The following ESRRG variants were observed in gnomAD, a reference collection of about 807,000 sequenced individuals.
The protein encoded by ESRRG is estrogen related receptor gamma.
Under a neutral mutation model 44.0 loss-of-function variants are expected in ESRRG, and 13 were observed. That is an observed-to-expected ratio of 0.30 (90% CI 0.19 to 0.47). ESRRG has a LOEUF of 0.47. ESRRG is among the 20% of genes least tolerant of loss of function. The pLI is 1.00. For synonymous variants in ESRRG, 215 were observed against 214.6 expected, an observed-to-expected ratio of 1.00 and a Z score of -0.02; for missense variants, 395 against 580.6, an observed-to-expected ratio of 0.68 and a Z score of 3.29.
In ESRRG at chr1:216,637,803, C is replaced by T. The variant is rs1239430679; in HGVS notation, c.589+13170G>A. 5.3e-5 allele frequency among the ~76,000 whole-genome samples: 8 copies of T among 151,282 alleles called. No homozygotes were observed. In the East Asian group the frequency reaches 1.5e-3, roughly 29 times the overall value. ...TTTTTTTTCTCCTTTTTTTGGATAC[C>T]AATTGCTATATTGTCAGTGTAGTCA... On this transcript the variant is annotated intron_variant, in intron 3 of 6. Transcript: ENST00000408911.
chr1:216,967,720 G>T (rs1200159572), intron 1 of ESRRG, among the ~76,000 whole-genome samples: 1 of 152,134 alleles, frequency 6.6e-6, no homozygotes, highest in Non-Finnish European at 1.5e-5. Context: ...TTTTTGTGTG[G>T]CACAAGTTTT....
chr1:216,928,410 A>G (rs1420140463), intron 2 of ESRRG, among the ~76,000 whole-genome samples: 1 of 151,970 alleles, frequency 6.6e-6, no homozygotes, highest in Non-Finnish European at 1.5e-5. Flanking sequence ...TCTCAACCCC[A>G]CTTCTCAATA....
At chr1:216,564,969 C>T (rs1198605554) in intron 4 of ESRRG, among the ~76,000 whole-genome samples, 1 of 151,852 alleles carries the variant, frequency 6.6e-6, no homozygotes, top group Non-Finnish European at 1.5e-5. Context: ...TTTTTTTCTC[C>T]CCCTCCCCAC....
At chr1:216,967,724 A>C (rs1560297130) in intron 1 of ESRRG, among the ~76,000 whole-genome samples, 1 of 152,308 alleles carries the variant, frequency 6.6e-6, no homozygotes, top group East Asian at 1.9e-4. Context: ...TGTGTGGCAC[A>C]AGTTTTCAGC....
At chr1:216,926,153 G>T (rs535453948) in intron 2 of ESRRG, among the ~76,000 whole-genome samples, 313 of 152,304 alleles carry the variant, frequency 2.1e-3, no homozygotes, top group African/African-American at 6.3e-3. Context: ...AGCACCTCGG[G>T]CACTTATTAG....
At chr1:216,770,994 T>G (rs1469765955) in intron 2 of ESRRG, among the ~76,000 whole-genome samples, 1 of 152,092 alleles carries the variant, frequency 6.6e-6, no homozygotes, top group Non-Finnish European at 1.5e-5. Context: ...CAGCCTTGAT[T>G]CACCAATTCC....
chr1:217,053,133 TAAAAA>T (rs71303007), intron 1 of ESRRG, among the ~76,000 whole-genome samples: 12,012 of 119,026 alleles, frequency 0.1, 745 homozygotes, highest in Admixed American at 0.14. Context: ...AATCCCATCT[TAAAAA>T]AAAAAAAAAA....
intron 1 of ESRRG, among the ~76,000 whole-genome samples, chr1:216,693,182 C>A (rs1458318110): frequency 6.6e-6 from 1 of 152,226 alleles, no homozygotes; most frequent in East Asian, 1.9e-4. Context: ...TCCTGGCACT[C>A]CTTCCTTTAG....
chr1:216,652,181 C>A (rs1286188663), intron 2 of ESRRG, among the ~76,000 whole-genome samples: 1 of 152,150 alleles, frequency 6.6e-6, no homozygotes, highest in Non-Finnish European at 1.5e-5. Flanking sequence ...AGCATAATTG[C>A]AATTTTGCTG....
At chr1:216,667,609 C>A (rs1208307225) in intron 2 of ESRRG, among the ~76,000 whole-genome samples, 1 of 140,442 alleles carries the variant, frequency 7.1e-6, no homozygotes, top group Non-Finnish European at 1.5e-5. Flanking sequence ...TCGCTTGAAT[C>A]CGGGAGGCGG....
chr1:216,977,341 T>TACACACACACACAC lies in ESRRG; in HGVS notation c.-105-37682_-105-37669dup, dbSNP rs1553749984. On this transcript the variant is annotated intron_variant, in intron 1 of 7. Transcript: ENST00000359162. Reference sequence around the variant, plus strand: ...AAACAAAGTTTCCAAGGAGGATACATACACACACACACACACACACACACA... The same window carrying TACACACACACACAC: ...AAACAAAGTTTCCAAGGAGGATACATACACACACACACACACACACACACACACACACACACACA... 1.7e-3 allele frequency among the ~76,000 whole-genome samples: 245 copies of TACACACACACACAC among 144,060 alleles called. 1 individual carries two copies. The highest frequency in any genetic ancestry group is 7.1e-3 in the Middle Eastern group (2 of 282). 94.5% of individuals were successfully genotyped at this position (144,060 alleles called of 152,430 possible).
At chr1:216,826,872 C>G (rs2095406358) in intron 2 of ESRRG, among the ~76,000 whole-genome samples, 1 of 152,144 alleles carries the variant, frequency 6.6e-6, no homozygotes, top group South Asian at 2.1e-4. Context: ...GCTTGGTAAG[C>G]TCTGCAATAA....
intron 1 of ESRRG, among the ~76,000 whole-genome samples, chr1:217,134,487 T>G (rs2093019387): frequency 1.3e-5 from 2 of 152,194 alleles, no homozygotes. Context: ...AATTCCTCCC[T>G]ACCCCCGCTC....
chr1:217,102,889 A>G (rs1230831009), intron 1 of ESRRG, among the ~76,000 whole-genome samples: 1 of 152,172 alleles, frequency 6.6e-6, no homozygotes, highest in Non-Finnish European at 1.5e-5. Flanking sequence ...TGGGTCAAAG[A>G]AGGCTAAGCA....
At chr1:216,547,907 G>A (rs2055050489) in intron 5 of ESRRG, among the ~76,000 whole-genome samples, 1 of 152,022 alleles carries the variant, frequency 6.6e-6, no homozygotes, top group Non-Finnish European at 1.5e-5. Context: ...GTTAGAGAGA[G>A]CATAAAGTTC....
chr1:216,886,507 G>A (rs1237099129), intron 2 of ESRRG, among the ~76,000 whole-genome samples: 2 of 152,108 alleles, frequency 1.3e-5, no homozygotes, highest in Admixed American at 1.3e-4. Flanking sequence ...TTTGAAAAAA[G>A]TATAGTAAAG....
intron 1 of ESRRG, among the ~76,000 whole-genome samples, chr1:216,966,181 T>G (rs1386475919): frequency 6.6e-6 from 1 of 152,150 alleles, no homozygotes; most frequent in Non-Finnish European, 1.5e-5. Flanking sequence ...CCAGCAAATG[T>G]TAGGGACATT....
chr1:216,550,896 A>G (rs889876006), intron 5 of ESRRG, among the ~76,000 whole-genome samples: 2 of 152,136 alleles, frequency 1.3e-5, no homozygotes, highest in Non-Finnish European at 2.9e-5. Context: ...GAACAGCATA[A>G]AAGTCCTTTC....
intron 1 of ESRRG, among the ~76,000 whole-genome samples, chr1:217,045,063 A>C (rs1046435484): frequency 6.6e-6 from 1 of 152,234 alleles, no homozygotes; most frequent in Non-Finnish European, 1.5e-5. Flanking sequence ...CACCTGGTTT[A>C]TTGAAGTGAA....
Sources: gnomAD v4.1 joint callset for allele counts (sites outside exome capture counted in the v4.1 genomes callset) on GRCh38, gnomAD v4.1.1 for gene constraint, MANE v1.5 for transcripts, NCBI Gene and HGNC (gene_info 2026-07-23, HGNC 2026-07-21) for gene names.